Variants in AFAP1L1 observed in about 807,000 individuals in gnomAD.
AFAP1L1 encodes actin filament-associated protein 1-like 1.
Under a neutral mutation model 99.8 loss-of-function variants are expected in AFAP1L1, and 77 were observed. That is an observed-to-expected ratio of 0.77 (90% CI 0.64 to 0.93). AFAP1L1 has a LOEUF of 0.93. Ranked by LOEUF, AFAP1L1 falls within the 40% of genes least tolerant of loss-of-function variation. The pLI is 0.00. For synonymous variants in AFAP1L1, 373 were observed against 395.3 expected, an observed-to-expected ratio of 0.94 and a Z score of 0.67; for missense variants, 893 against 996.8, an observed-to-expected ratio of 0.90 and a Z score of 1.40.
chr5:149,284,787 C>A (rs1042893523), intron 1 of AFAP1L1, among the ~76,000 whole-genome samples: 4 of 152,144 alleles, frequency 2.6e-5, no homozygotes, highest in African/African-American at 9.7e-5. Flanking sequence ...TTAAAGCCAG[C>A]AGTGAGCTCA....
chr5:149,276,428 C>T (rs750206931), intron 1 of AFAP1L1, among the ~76,000 whole-genome samples: 4 of 152,296 alleles, frequency 2.6e-5, no homozygotes, highest in African/African-American at 9.6e-5. Context: ...AAATACCACA[C>T]AAGAGAATCA....
At chr5:149,295,714 C>T (rs924865326) in intron 1 of AFAP1L1, among the ~76,000 whole-genome samples, 6 of 152,148 alleles carry the variant, frequency 3.9e-5, no homozygotes, top group African/African-American at 7.2e-5. Flanking sequence ...CGTTCATTGG[C>T]GGGGGCAGCA....
intron 1 of AFAP1L1, among the ~76,000 whole-genome samples, chr5:149,277,363 G>T (rs12657199): frequency 0.34 from 51,572 of 152,082 alleles, 9,694 homozygotes; most frequent in East Asian, 0.53. Context: ...CATTCTGCCT[G>T]TGTCTTGCCT....
At chr5:149,335,013 G>A (rs1192327588) in intron 17 of AFAP1L1, among the ~76,000 whole-genome samples, 1 of 152,184 alleles carries the variant, frequency 6.6e-6, no homozygotes, top group Non-Finnish European at 1.5e-5. Context: ...AAAATGGAAT[G>A]ACTAATAATA....
chr5:149,327,661 C>G (rs1359852428), intron 15 of AFAP1L1, among the ~76,000 whole-genome samples: 13 of 152,050 alleles, frequency 8.5e-5, no homozygotes, highest in Non-Finnish European at 1.9e-4. Context: ...AAAACTCACT[C>G]AATGGGCACA....
chr5:149,293,770 A>T (rs762019422), intron 1 of AFAP1L1, among the ~76,000 whole-genome samples: 2 of 152,236 alleles, frequency 1.3e-5, no homozygotes, highest in Non-Finnish European at 2.9e-5. Context: ...GCACGGTGCC[A>T]TGCAAAGTGC....
rs562488429 is a variant in AFAP1L1, at chr5:149,320,027, C to T, written c.1625+300C>T. Among the ~76,000 whole-genome samples, 1 of 152,304 alleles carries T rather than the reference C, an allele frequency of 6.6e-6. No individual in the cohort carries two copies. Among genetic ancestry groups the T allele is most frequent in the African/African-American group, 2.4e-5 (1 of 41,564 alleles). On this transcript the variant is annotated intron_variant, in intron 13 of 18. Transcript: ENST00000296721. The surrounding 1 kb of genome is among the most constrained non-coding windows in gnomAD (Gnocchi z 4.0). ...GACTTTAAGCTTTCACACACTGGAG[C>T]ATGGGCACGTGGCTAGTATATGGCA...
intron 1 of AFAP1L1, 26 bp from the exon 2 acceptor site, chr5:149,299,483 C>G (rs768851735): frequency 1.9e-6 from 3 of 1,613,206 alleles, no homozygotes; most frequent in Admixed American, 3.3e-5. Flanking sequence ...GCAGCTGTGA[C>G]TGTGCCCGTC....
Position 149,315,805 on chromosome 5 carries a change from C to A in AFAP1L1, c.1021-16C>A. 1 of 1,609,692 alleles carries A rather than the reference C, an allele frequency of 6.2e-7. No individual in the cohort carries two copies. Among genetic ancestry groups the A allele is most frequent in the Non-Finnish European group, 8.5e-7 (1 of 1,176,030 alleles). On this transcript the variant is annotated splice_polypyrimidine_tract_variant and intron_variant, in intron 9 of 18. Coordinates refer to ENST00000296721, the MANE Select transcript of AFAP1L1 (RefSeq NM_152406.4). ...AATGTGCCCTCTGATGAGGGACTGC[C>A]TGTGTCCCTCCTCAGAGGCTGTCCC... is the stretch of plus-strand genomic sequence containing the variant.
intron 15 of AFAP1L1, among the ~76,000 whole-genome samples, 173 bp from the exon 16 acceptor site, chr5:149,329,493 C>G (rs1356521298): frequency 1.3e-5 from 2 of 152,198 alleles, no homozygotes; most frequent in Non-Finnish European, 2.9e-5. Context: ...TGTGGCCTCC[C>G]TTTTGCTTCT....
At position 149,310,129 on chromosome 5, in the gene AFAP1L1, G is replaced by A. The variant is rs763282756; in HGVS notation, c.921G>A (p.Trp307Ter). 3 of 1,596,594 alleles carry A rather than the reference G, an allele frequency of 1.9e-6. No homozygotes were observed. The highest frequency in any genetic ancestry group is 1.3e-5 in the African/African-American group (1 of 74,666). The change falls in exon 8 of 19, where the codon TGG becomes TGA. Residue 307 changes from tryptophan to a stop codon, truncating the protein, a stop_gained. Coordinates refer to ENST00000296721, the MANE Select transcript of AFAP1L1 (RefSeq NM_152406.4). LOFTEE classifies it high-confidence loss of function. ...ALQSREQAEE[W>*]LKVIREVSKP... is the part of the protein sequence containing the mutation. The stretch of plus-strand genomic sequence containing the variant: ...AGAGCCGAGAGCAGGCCGAGGAGTG[G>A]CTGAAGGTGCGTGGCCTGCACCTGA...
chr5:149,281,589 T>C (rs1421087411), intron 1 of AFAP1L1, among the ~76,000 whole-genome samples: 1 of 152,220 alleles, frequency 6.6e-6, no homozygotes, highest in Non-Finnish European at 1.5e-5. Flanking sequence ...ATAGTTACAG[T>C]CAAGTGTACT....
At chr5:149,281,042 G>A in intron 1 of AFAP1L1, among the ~76,000 whole-genome samples, 1 of 152,122 alleles carries the variant, frequency 6.6e-6, no homozygotes, top group Admixed American at 6.5e-5. Flanking sequence ...TTTCAGCTTA[G>A]CTTCAGGGAC....
chr5:149,320,004 C>CT lies in AFAP1L1; in HGVS notation c.1625+280dup, dbSNP rs1299374637. On this transcript the variant is annotated intron_variant, in intron 13 of 18. Coordinates refer to ENST00000296721, the MANE Select transcript of AFAP1L1 (RefSeq NM_152406.4). The surrounding 1 kb of genome is among the most constrained non-coding windows in gnomAD (Gnocchi z 4.0). Reference sequence around the variant, plus strand: ...TGGGCTCTGCCCTCATGTCATGGGACTTTAAGCTTTCACACACTGGAGCAT... The same window carrying CT: ...TGGGCTCTGCCCTCATGTCATGGGACTTTTAAGCTTTCACACACTGGAGCAT... Among the ~76,000 whole-genome samples the CT allele has an allele frequency of 6.6e-6, 1 of 152,194 alleles. No individual in the cohort carries two copies. Among genetic ancestry groups the CT allele is most frequent in the South Asian group, 2.1e-4 (1 of 4,826 alleles).
At chr5:149,275,933 A>G (rs1424483281) in intron 1 of AFAP1L1, among the ~76,000 whole-genome samples, 1 of 152,244 alleles carries the variant, frequency 6.6e-6, no homozygotes, top group Non-Finnish European at 1.5e-5. Flanking sequence ...TTAGGGCTTC[A>G]ACATATGCAT....
At chr5:149,281,805 G>A (rs981538535) in intron 1 of AFAP1L1, among the ~76,000 whole-genome samples, 2 of 152,184 alleles carry the variant, frequency 1.3e-5, no homozygotes, top group African/African-American at 4.8e-5. Flanking sequence ...GTTAAGATGG[G>A]CTGACTAGGT....
At chr5:149,277,634 A>G (rs181745536) in intron 1 of AFAP1L1, among the ~76,000 whole-genome samples, 179 of 152,266 alleles carry the variant, frequency 1.2e-3, no homozygotes, top group Admixed American at 3.7e-3. Flanking sequence ...TGATCCAAAC[A>G]TATGTCATGG....
chr5:149,278,610 T>C (rs1755416894), intron 1 of AFAP1L1, among the ~76,000 whole-genome samples: 1 of 152,150 alleles, frequency 6.6e-6, no homozygotes. Flanking sequence ...CCTCTAGGCC[T>C]CTCCCACACT....
rs1223500463 is a variant in AFAP1L1 at position 149,320,442 on chromosome 5, T to C, written c.1677T>C (p.Asp559=). The change falls in exon 14 of 19, where the codon GAT becomes GAC. Residue 559 remains aspartate, a synonymous_variant. Coordinates refer to ENST00000296721, the MANE Select transcript of AFAP1L1 (RefSeq NM_152406.4). This position sits in a 1 kb window ranked among gnomAD's most constrained non-coding sequence, Gnocchi z 4.0. The part of the protein sequence containing the change: ...NQWPEPRVYD[D]VPYEKMQDEE... ...GGCCTGAGCCCCGAGTCTATGATGA[T>C]GTTCCTTATGAAAAGATGCAGGTAC... The C allele has an allele frequency of 1.9e-6, 3 of 1,614,226 alleles. No homozygotes were observed. The highest frequency in any genetic ancestry group is 2.5e-6 in the Non-Finnish European group (3 of 1,180,032).
Sources: gnomAD v4.1 joint callset for allele counts (sites outside exome capture counted in the v4.1 genomes callset) on GRCh38, gnomAD v4.1.1 for gene constraint, Gnocchi (gnomAD v3.1) non-coding constraint, MANE v1.5 for transcripts, NCBI Gene and HGNC (gene_info 2026-07-23, HGNC 2026-07-21) for gene names.